The following GRM8 variants were observed in gnomAD, a reference collection of about 807,000 sequenced individuals.
GRM8 encodes the protein metabotropic glutamate receptor 8.
GRM8 carries 47 observed loss-of-function variants against 87.2 expected under a neutral mutation model. That is an observed-to-expected ratio of 0.54 (90% CI 0.43 to 0.69). The LOEUF (loss-of-function observed/expected upper bound fraction) is 0.69, where lower values mean the gene tolerates loss of function less well. GRM8 is among the 30% of genes least tolerant of loss of function. GRM8 has a pLI of 0.00. For synonymous variants in GRM8, 396 were observed against 404.5 expected (o/e 0.98, Z 0.25); for missense variants, 1,019 against 1,139.2 (o/e 0.89, Z 1.52).
intron 6 of GRM8, among the ~76,000 whole-genome samples, chr7:126,891,859 A>G (rs1192167505): frequency 1.3e-5 from 2 of 151,938 alleles, no homozygotes; most frequent in Non-Finnish European, 2.9e-5. Flanking sequence ...TCTAATAGCT[A>G]GTGCTTGAAA....
At position 126,847,868 on chromosome 7, in the gene GRM8, G is replaced by A. The variant is rs558137211; in HGVS notation, c.1156+54674C>T. 8.3e-4 allele frequency among the ~76,000 whole-genome samples: 127 copies of A among 152,232 alleles called. 1 individual carries two copies. The highest frequency in any genetic ancestry group is 3.4e-3 in the Middle Eastern group (1 of 294). Reference sequence around the variant, plus strand: ...GAAAATGTGGGATAGATATATTGGTGGATCCACTTTGGGAACTAAAATCTG... The same window carrying A: ...GAAAATGTGGGATAGATATATTGGTAGATCCACTTTGGGAACTAAAATCTG... On this transcript the variant is annotated intron_variant, in intron 6 of 10. Coordinates refer to ENST00000339582, the MANE Select transcript of GRM8 (RefSeq NM_000845.3).
At chr7:126,627,743 A>C (rs1486734814) in intron 7 of GRM8, among the ~76,000 whole-genome samples, 2 of 152,254 alleles carry the variant, frequency 1.3e-5, no homozygotes, top group East Asian at 3.9e-4. Context: ...TAATATTTTT[A>C]TTATGAATAT....
chr7:126,900,520 G>GT (rs1336769786), intron 6 of GRM8, among the ~76,000 whole-genome samples: 8 of 151,896 alleles, frequency 5.3e-5, no homozygotes, highest in South Asian at 4.2e-4. Flanking sequence ...GTTTTGTTTT[G>GT]TTTTTTTGGA....
intron 3 of GRM8, among the ~76,000 whole-genome samples, chr7:126,962,154 AT>A: frequency 6.6e-6 from 1 of 152,258 alleles, no homozygotes; most frequent in East Asian, 1.9e-4. Context: ...TGTAAAAAAA[AT>A]AAAACAACAA....
intron 9 of GRM8, among the ~76,000 whole-genome samples, chr7:126,477,579 GAGAGAAAGAAAGAAAGAA>G (rs1563051003): frequency 0.01 from 834 of 81,490 alleles, 5 homozygotes; most frequent in African/African-American, 0.032. Flanking sequence ...AAGAAAGAAA[GAGAGAAAGAAAGAAAGAA>G]AGAAAGAAAG....
intron 6 of GRM8, among the ~76,000 whole-genome samples, chr7:126,830,535 C>T (rs1404305771): frequency 6.6e-6 from 1 of 152,204 alleles, no homozygotes; most frequent in Non-Finnish European, 1.5e-5. Flanking sequence ...AGTTCTCGAG[C>T]CTTGGCTTTC....
chr7:126,629,760 T>C lies in GRM8; in HGVS notation c.1358-20262A>G, dbSNP rs1270533826. On this transcript the variant is annotated intron_variant, in intron 7 of 10. Coordinates refer to ENST00000339582, the MANE Select transcript of GRM8 (RefSeq NM_000845.3). ...ATTAGGCCACTGTGATAGATGTGAA[T>C]TGTCTATGTTACTATGGTGATTTGA... 2.0e-5 allele frequency among the ~76,000 whole-genome samples: 3 copies of C among 152,162 alleles called. 1 individual carries two copies. Among genetic ancestry groups the C allele is most frequent in the Admixed American group, 1.3e-4 (2 of 15,264 alleles).
chr7:126,960,780 C>T (rs1488792614), intron 3 of GRM8, among the ~76,000 whole-genome samples: 1 of 152,160 alleles, frequency 6.6e-6, no homozygotes, highest in Non-Finnish European at 1.5e-5. Flanking sequence ...TTTTAAAATC[C>T]AGGCTATTCC....
intron 2 of GRM8, among the ~76,000 whole-genome samples, chr7:127,202,078 TA>T (rs1194466740): frequency 6.6e-6 from 1 of 152,168 alleles, no homozygotes; most frequent in African/African-American, 2.4e-5. Flanking sequence ...ATCTTGGATT[TA>T]GAATGTACAT....
chr7:126,956,274 G>GA (rs1220215030), intron 3 of GRM8, among the ~76,000 whole-genome samples: 3 of 151,892 alleles, frequency 2.0e-5, no homozygotes, highest in Non-Finnish European at 2.9e-5. Context: ...GCAATGATGA[G>GA]AAAAAAAGAT....
intron 3 of GRM8, among the ~76,000 whole-genome samples, chr7:126,963,014 C>T (rs1809474953): frequency 1.3e-5 from 2 of 152,168 alleles, no homozygotes; most frequent in African/African-American, 4.8e-5. Flanking sequence ...TATACATTAC[C>T]TGTGTTTACA....
At chr7:126,998,860 C>T (rs1813438365) in intron 3 of GRM8, among the ~76,000 whole-genome samples, 1 of 151,812 alleles carries the variant, frequency 6.6e-6, no homozygotes, top group East Asian at 1.9e-4. Flanking sequence ...TCAATGTAAT[C>T]CTTGTCAAAA....
chr7:126,947,125 T>A (rs940161844), intron 3 of GRM8, among the ~76,000 whole-genome samples: 1 of 152,230 alleles, frequency 6.6e-6, no homozygotes, highest in Non-Finnish European at 1.5e-5. Context: ...AGGCTTCATT[T>A]ACTCTTCATT....
At chr7:127,132,660 G>A (rs1827749679) in intron 2 of GRM8, among the ~76,000 whole-genome samples, 2 of 152,078 alleles carry the variant, frequency 1.3e-5, no homozygotes, top group African/African-American at 4.8e-5. Flanking sequence ...TGGCATTTAA[G>A]CTGAGATTTG....
chr7:127,232,212 T>TGAGAGAGA (rs71177600), intron 2 of GRM8, among the ~76,000 whole-genome samples: 2 of 143,564 alleles, frequency 1.4e-5, no homozygotes, highest in South Asian at 4.5e-4. Context: ...TGTGTGTGTG[T>TGAGAGAGA]GAGAGAGAGA....
At chr7:126,964,443 A>G (rs1809636414) in intron 3 of GRM8, among the ~76,000 whole-genome samples, 1 of 152,222 alleles carries the variant, frequency 6.6e-6, no homozygotes, top group South Asian at 2.1e-4. Flanking sequence ...AGAATCTACA[A>G]AGAACTTAAA....
intron 3 of GRM8, among the ~76,000 whole-genome samples, chr7:127,036,446 C>T (rs1331268792): frequency 6.6e-6 from 1 of 152,198 alleles, no homozygotes; most frequent in Non-Finnish European, 1.5e-5. Flanking sequence ...GCTACCCAAT[C>T]TGTATCCTCA....
intron 6 of GRM8, among the ~76,000 whole-genome samples, chr7:126,835,213 CT>C (rs1795739208): frequency 6.6e-6 from 1 of 151,898 alleles, no homozygotes; most frequent in Non-Finnish European, 1.5e-5. Context: ...ATACATGAAA[CT>C]ACTGATGTTT....
chr7:127,007,821 T>C (rs571679569), intron 3 of GRM8, among the ~76,000 whole-genome samples: 73 of 152,130 alleles, frequency 4.8e-4, no homozygotes, highest in South Asian at 8.3e-4. Context: ...TGCCCCAATC[T>C]AGAAGTCATT....
Sources: gnomAD v4.1 joint callset for allele counts (sites outside exome capture counted in the v4.1 genomes callset) on GRCh38, gnomAD v4.1.1 for gene constraint, MANE v1.5 for transcripts, NCBI Gene and HGNC (gene_info 2026-07-23, HGNC 2026-07-21) for gene names.